Variants in GLIS3 observed in about 807,000 individuals in gnomAD.
GLIS3 encodes GLIS family zinc finger 3.
A neutral mutation model predicts 78.6 loss-of-function variants in GLIS3; 53 were observed. That is an observed-to-expected ratio of 0.67 (90% CI 0.54 to 0.85). The LOEUF is 0.85. Among genes scored for constraint, GLIS3 ranks in the 40% least tolerant of loss-of-function variants. GLIS3 has a pLI of 0.00. For missense variants in GLIS3, 1,703 were observed against 1,231.1 expected (o/e 1.38, Z -5.74); for synonymous variants, 684 against 509.9 (o/e 1.34, Z -4.60).
intron 8 of GLIS3, among the ~76,000 whole-genome samples, chr9:3,860,841 T>C (rs902070511): frequency 6.6e-6 from 1 of 152,234 alleles, no homozygotes; most frequent in Non-Finnish European, 1.5e-5. Flanking sequence ...TGTGGCATTG[T>C]TCTAAGCACT....
the GLIS3 span, among the ~76,000 whole-genome samples, chr9:4,458,608 T>G: frequency 6.6e-6 from 1 of 151,996 alleles, no homozygotes; most frequent in South Asian, 2.1e-4. Context: ...GCCAACATAG[T>G]GAAATCCCAT....
At chr9:4,324,205 G>T (rs1302248942) in intron 2 of GLIS3, among the ~76,000 whole-genome samples, 1 of 152,106 alleles carries the variant, frequency 6.6e-6, no homozygotes, top group African/African-American at 2.4e-5. Context: ...TTTATGCTGT[G>T]CCCTCTTCTG....
chr9:4,420,502 C>G, the GLIS3 span, among the ~76,000 whole-genome samples: 1 of 152,152 alleles, frequency 6.6e-6, no homozygotes, highest in Non-Finnish European at 1.5e-5. Flanking sequence ...CTTAGTATCA[C>G]GTTAAGCAAG....
At chr9:4,090,629 C>T (rs1221825008) in intron 4 of GLIS3, among the ~76,000 whole-genome samples, 1 of 152,168 alleles carries the variant, frequency 6.6e-6, no homozygotes, top group Admixed American at 6.5e-5. Context: ...GGCAAGGACA[C>T]TGGAATCAGA....
the GLIS3 span, among the ~76,000 whole-genome samples, chr9:4,393,352 T>A: frequency 6.6e-6 from 1 of 152,184 alleles, no homozygotes; most frequent in African/African-American, 2.4e-5. Flanking sequence ...ATTCAGCGTA[T>A]ATTTTACTTT....
At chr9:4,374,559 G>C in the GLIS3 span, among the ~76,000 whole-genome samples, 2 of 152,224 alleles carry the variant, frequency 1.3e-5, no homozygotes, top group East Asian at 1.9e-4. Context: ...CATGGCGGCT[G>C]TCTCTCTCAC....
intron 4 of GLIS3, among the ~76,000 whole-genome samples, chr9:4,089,515 T>C (rs968418615): frequency 6.6e-6 from 1 of 152,156 alleles, no homozygotes; most frequent in Non-Finnish European, 1.5e-5. Context: ...ATGAAGAACA[T>C]TGCCAAAATG....
chr9:4,061,068 T>C (rs1486802226), intron 4 of GLIS3, among the ~76,000 whole-genome samples: 1 of 152,194 alleles, frequency 6.6e-6, no homozygotes, highest in Non-Finnish European at 1.5e-5. Flanking sequence ...GATCCATTTT[T>C]TTTTTTTACT....
chr9:4,332,557 G>A (rs1464267434), intron 2 of GLIS3, among the ~76,000 whole-genome samples: 2 of 152,330 alleles, frequency 1.3e-5, no homozygotes, highest in Admixed American at 6.5e-5. Flanking sequence ...CACCCAGATG[G>A]AAGCTCCACA....
chr9:4,000,629 C>T (rs1460295781), intron 4 of GLIS3, among the ~76,000 whole-genome samples: 1 of 152,218 alleles, frequency 6.6e-6, no homozygotes, highest in East Asian at 1.9e-4. Flanking sequence ...CTAAAAGCTT[C>T]TAGTGGCCCC....
the GLIS3 span, among the ~76,000 whole-genome samples, chr9:4,481,714 G>A: frequency 6.6e-6 from 1 of 152,138 alleles, no homozygotes; most frequent in African/African-American, 2.4e-5. Context: ...CAGCTGAGCT[G>A]GGGTGAAGAG....
intron 2 of GLIS3, among the ~76,000 whole-genome samples, chr9:4,262,706 G>A (rs1380757167): frequency 2.0e-5 from 3 of 152,064 alleles, no homozygotes; most frequent in Non-Finnish European, 4.4e-5. Context: ...GCACTATGCA[G>A]CTTTTCTAAC....
At chr9:3,953,764 TCTCTCTC>T (rs1816859031) in intron 4 of GLIS3, among the ~76,000 whole-genome samples, 21 of 49,760 alleles carry the variant, frequency 4.2e-4, no homozygotes, top group African/African-American at 1.4e-3. Flanking sequence ...AGATTTGCTC[TCTCTCTC>T]TCTCTCTCTC....
the GLIS3 span, among the ~76,000 whole-genome samples, chr9:4,411,257 A>G: frequency 1.3e-5 from 2 of 152,120 alleles, no homozygotes; most frequent in Admixed American, 6.6e-5. Context: ...ATGTGTTATA[A>G]TGACTTCTGT....
intron 4 of GLIS3, among the ~76,000 whole-genome samples, chr9:4,045,315 T>C (rs1452586406): frequency 1.3e-5 from 2 of 151,950 alleles, no homozygotes; most frequent in Non-Finnish European, 2.9e-5. Flanking sequence ...AGATGAAGTG[T>C]TCTGAACTTT....
At chr9:4,136,342 T>TA (rs1833407531) in intron 2 of GLIS3, among the ~76,000 whole-genome samples, 1 of 152,214 alleles carries the variant, frequency 6.6e-6, no homozygotes, top group Non-Finnish European at 1.5e-5. Flanking sequence ...GAGTATGAAC[T>TA]ACAAACACGT....
At chr9:4,328,559 G>A (rs1281333931) in intron 2 of GLIS3, among the ~76,000 whole-genome samples, 6 of 152,190 alleles carry the variant, frequency 3.9e-5, no homozygotes, top group Admixed American at 1.3e-4. Context: ...GAGGGGCCAA[G>A]CCCAGAATCC....
chr9:4,141,705 C>T (rs866886245), intron 2 of GLIS3, among the ~76,000 whole-genome samples: 5 of 152,256 alleles, frequency 3.3e-5, no homozygotes, highest in Middle Eastern at 6.8e-3. Flanking sequence ...TACAGATTTG[C>T]TGAAAATTGG....
chr9:3,842,298 C>G (rs971561730), intron 9 of GLIS3, among the ~76,000 whole-genome samples: 9 of 152,050 alleles, frequency 5.9e-5, no homozygotes, highest in Admixed American at 6.6e-5. Flanking sequence ...ATGGTGAAAC[C>G]CTGTCTCTAC....
Sources: allele counts gnomAD v4.1 joint callset (sites outside exome capture counted in the v4.1 genomes callset), GRCh38; gene constraint gnomAD v4.1.1; transcripts MANE v1.5; gene names NCBI Gene and HGNC (gene_info 2026-07-23, HGNC 2026-07-21).